The following SHISA9 variants were observed in gnomAD, a reference collection of about 807,000 sequenced individuals.
The protein encoded by SHISA9 is protein shisa-9.
A neutral mutation model predicts 38.0 loss-of-function variants in SHISA9; 13 were observed. The observed-to-expected ratio is 0.34, with a 90% CI of 0.22 to 0.54. The LOEUF (loss-of-function observed/expected upper bound fraction) is 0.54. Ranked by LOEUF, SHISA9 falls within the 20% of genes least tolerant of loss-of-function variation. The probability of loss-of-function intolerance (pLI) is 0.91; values close to 1 mark genes in which losing one functional copy is unlikely to be tolerated. For missense variants in SHISA9, 538 were observed against 575.8 expected, an observed-to-expected ratio of 0.93 and a Z score of 0.67; for synonymous variants, 275 against 242.0, an observed-to-expected ratio of 1.14 and a Z score of -1.27.
chr16:13,221,935 G>C (rs2051229843), intron 4 of SHISA9, among the ~76,000 whole-genome samples: 1 of 152,146 alleles, frequency 6.6e-6, no homozygotes, highest in South Asian at 2.1e-4. Flanking sequence ...TGCTGATAAA[G>C]ACATACCCGA....
At chr16:13,380,594 T>A in the SHISA9 span, among the ~76,000 whole-genome samples, 1 of 152,220 alleles carries the variant, frequency 6.6e-6, no homozygotes, top group Non-Finnish European at 1.5e-5. Flanking sequence ...CAGAAAGCTG[T>A]TGCACAATTT....
intron 2 of SHISA9, among the ~76,000 whole-genome samples, chr16:12,918,302 T>G (rs1022980071): frequency 6.6e-6 from 1 of 152,188 alleles, no homozygotes; most frequent in Non-Finnish European, 1.5e-5. Flanking sequence ...GGAAATAAGT[T>G]GAACCTAGTC....
chr16:13,193,696 C>A (rs1348807605), intron 2 of SHISA9, among the ~76,000 whole-genome samples: 1 of 152,128 alleles, frequency 6.6e-6, no homozygotes, highest in African/African-American at 2.4e-5. Flanking sequence ...CCTGTGATAA[C>A]CATCTGCTTA....
the SHISA9 span, among the ~76,000 whole-genome samples, chr16:13,399,531 C>G: frequency 2.1e-3 from 319 of 152,290 alleles, 4 homozygotes; most frequent in Non-Finnish European, 5.0e-4. Context: ...TGCTTCAAGA[C>G]CGGTCCACTC....
chr16:12,916,609 G>T (rs924521778), intron 1 of SHISA9, 79 bp from the exon 2 acceptor site: 1 of 1,457,934 alleles, frequency 6.9e-7, no homozygotes, highest in Non-Finnish European at 9.1e-7. Context: ...CCATTTGTTC[G>T]CGACTGCAGT....
At chr16:13,165,073 T>C (rs1342254556) in intron 2 of SHISA9, among the ~76,000 whole-genome samples, 1 of 152,182 alleles carries the variant, frequency 6.6e-6, no homozygotes, top group Non-Finnish European at 1.5e-5. Context: ...GTTTTCTCCA[T>C]GTTTCTTGTG....
At chr16:12,976,987 T>G (rs1161877140) in intron 2 of SHISA9, among the ~76,000 whole-genome samples, 2 of 152,124 alleles carry the variant, frequency 1.3e-5, no homozygotes, top group East Asian at 1.9e-4. Flanking sequence ...ATTGTAAGCT[T>G]GAGAGACATG....
chr16:13,204,792 T>G (rs2051047481), intron 3 of SHISA9: 1 of 152,256 alleles, frequency 6.6e-6, no homozygotes, highest in Non-Finnish European at 1.5e-5. Flanking sequence ...TCTAAGAGGC[T>G]AATATAACTT....
chr16:13,055,380 T>G (rs935510323), intron 2 of SHISA9, among the ~76,000 whole-genome samples: 4 of 152,154 alleles, frequency 2.6e-5, no homozygotes, highest in Non-Finnish European at 5.9e-5. Flanking sequence ...CTATGTTAAT[T>G]TTTGCTTCTC....
intron 2 of SHISA9, among the ~76,000 whole-genome samples, chr16:13,142,023 G>T (rs553984013): frequency 1.3e-5 from 2 of 152,144 alleles, no homozygotes; most frequent in Non-Finnish European, 1.5e-5. Flanking sequence ...GAAAGATTAC[G>T]CACTGCACAA....
chr16:13,139,394 T>TTCCTTCCTTCCTTCCTTCCTTCC (rs2050378798), intron 2 of SHISA9, among the ~76,000 whole-genome samples: 3 of 94,992 alleles, frequency 3.2e-5, no homozygotes, highest in African/African-American at 1.4e-4. Flanking sequence ...CCCTTCCTTC[T>TTCCTTCCTTCCTTCCTTCCTTCC]TTCCTTCCTT....
the SHISA9 span, among the ~76,000 whole-genome samples, chr16:13,428,773 G>GGT: frequency 6.9e-5 from 10 of 145,330 alleles, 1 homozygote; most frequent in South Asian, 4.3e-4. Flanking sequence ...TTGTTTTATT[G>GGT]TTTTTTTTTT....
At chr16:13,207,225 C>T (rs1400767834) in intron 3 of SHISA9, among the ~76,000 whole-genome samples, 2 of 152,148 alleles carry the variant, frequency 1.3e-5, no homozygotes, top group Non-Finnish European at 2.9e-5. Context: ...GATGGTGCCA[C>T]TGCACTCCAG....
chr16:13,124,111 T>C (rs773389253), intron 2 of SHISA9, among the ~76,000 whole-genome samples: 5 of 152,192 alleles, frequency 3.3e-5, no homozygotes, highest in Admixed American at 6.5e-5. Flanking sequence ...TTCCCATGAC[T>C]GAACTTCAGG....
chr16:13,036,959 A>C (rs987752857), intron 2 of SHISA9, among the ~76,000 whole-genome samples: 8 of 152,082 alleles, frequency 5.3e-5, no homozygotes, highest in Admixed American at 6.6e-5. Flanking sequence ...CTCACCAACC[A>C]CTTGTAAATT....
At chr16:13,008,890 C>T (rs2072635183) in intron 2 of SHISA9, among the ~76,000 whole-genome samples, 1 of 151,964 alleles carries the variant, frequency 6.6e-6, no homozygotes. Flanking sequence ...TGTTTGATGA[C>T]TGACTGAGTG....
intron 2 of SHISA9, among the ~76,000 whole-genome samples, chr16:13,179,813 G>A (rs1402765393): frequency 6.6e-6 from 1 of 152,206 alleles, no homozygotes; most frequent in Non-Finnish European, 1.5e-5. Flanking sequence ...AAAGAGGAAA[G>A]GTTAGAGTGT....
chr16:13,439,768 G>C, the SHISA9 span, among the ~76,000 whole-genome samples: 7 of 152,172 alleles, frequency 4.6e-5, no homozygotes, highest in East Asian at 9.6e-4. Context: ...GCTGCTGCCA[G>C]CGTGTGAAAA....
intron 4 of SHISA9, among the ~76,000 whole-genome samples, chr16:13,225,100 C>T (rs536499626): frequency 2.0e-5 from 3 of 152,068 alleles, no homozygotes; most frequent in South Asian, 2.1e-4. Flanking sequence ...CATAAACACA[C>T]GCACACACAC....
Sources: allele counts gnomAD v4.1 joint callset (sites outside exome capture counted in the v4.1 genomes callset), GRCh38; gene constraint gnomAD v4.1.1; transcripts MANE v1.5; gene names NCBI Gene and HGNC (gene_info 2026-07-23, HGNC 2026-07-21).